IPO7: variants seen among roughly 807,000 people sequenced by gnomAD.
IPO7 encodes importin-7.
IPO7 carries 13 observed loss-of-function variants against 136.4 expected under a neutral mutation model. That is an observed-to-expected ratio of 0.10 (90% CI 0.06 to 0.15). IPO7 has a LOEUF of 0.15. Ranked by LOEUF, IPO7 falls within the 10% of genes least tolerant of loss-of-function variation. The pLI is 1.00. For missense variants in IPO7, 857 were observed against 1,240.6 expected, an observed-to-expected ratio of 0.69 and a Z score of 4.65; for synonymous variants, 403 against 404.4, an observed-to-expected ratio of 1.00 and a Z score of 0.04.
At chr11:9,395,097 A>G (rs1180710003) in intron 1 of IPO7, among the ~76,000 whole-genome samples, 6 of 152,168 alleles carry the variant, frequency 3.9e-5, no homozygotes, top group Non-Finnish European at 7.3e-5. Context: ...TGACTCATAT[A>G]AAAAATCTAT....
At position 9,438,064 on chromosome 11, in the gene IPO7, T is replaced by G. The variant is rs751149347; in HGVS notation, c.2490-16T>G. 2.5e-3 allele frequency: 2,668 copies of G among 1,073,322 alleles called. 1 individual carries two copies. Among genetic ancestry groups the G allele is most frequent in the Non-Finnish European group, 3.1e-3 (2,457 of 780,624 alleles). 66.5% of individuals were successfully genotyped at this position (1,073,322 alleles called of 1,614,324 possible). On this transcript the variant is annotated splice_polypyrimidine_tract_variant and intron_variant, in intron 21 of 24. Coordinates refer to ENST00000379719, the MANE Select transcript of IPO7 (RefSeq NM_006391.3). ...AAAACAGTTTTTTTTTTTTTTTTTT[T>G]TTTTTTTTTTTTTAGGCTTCATGAC...
At chr11:9,435,679 C>G (rs1364820722) in intron 19 of IPO7, among the ~76,000 whole-genome samples, 3 of 152,152 alleles carry the variant, frequency 2.0e-5, no homozygotes, top group African/African-American at 7.2e-5. Flanking sequence ...TATACCTATA[C>G]TATCTACATT....
At chr11:9,423,648 G>A in intron 9 of IPO7, 129 bp from the exon 10 acceptor site, 2 of 591,938 alleles carry the variant, frequency 3.4e-6, no homozygotes, top group Non-Finnish European at 5.9e-6. Context: ...CACATTAAAT[G>A]CATTACTAAC....
chr11:9,399,349 C>T (rs185636406), intron 1 of IPO7, among the ~76,000 whole-genome samples: 10 of 152,058 alleles, frequency 6.6e-5, no homozygotes, highest in Non-Finnish European at 1.3e-4. Context: ...TTAGTAGAGA[C>T]GGGGTTTCTC....
intron 16 of IPO7, among the ~76,000 whole-genome samples, chr11:9,432,201 C>CTTT (rs557417149): frequency 2.2e-5 from 3 of 134,844 alleles, no homozygotes; most frequent in African/African-American, 5.5e-5. Flanking sequence ...TTTCACTAAA[C>CTTT]TTTTTTTTTT....
intron 1 of IPO7, among the ~76,000 whole-genome samples, chr11:9,397,341 A>AAAAAAAAAAAAAAAAAAAAATATATATAT: frequency 1.9e-4 from 2 of 10,762 alleles, no homozygotes; most frequent in African/African-American, 2.5e-4. Flanking sequence ...TTTAAAAAAA[A>AAAAAAAAAAAAAAAAAAAAATATATATAT]ATATATATAT....
chr11:9,387,224 G>A (rs2133713978), intron 1 of IPO7, among the ~76,000 whole-genome samples: 1 of 152,326 alleles, frequency 6.6e-6, no homozygotes, highest in East Asian at 1.9e-4. Flanking sequence ...TAAGATCATT[G>A]ACATTTGAAT....
chr11:9,414,208 T>C (rs1163295344), intron 4 of IPO7, 47 bp from the exon 5 acceptor site: 1 of 1,383,422 alleles, frequency 7.2e-7, no homozygotes, highest in Non-Finnish European at 1.0e-6. Flanking sequence ...ATATATACAA[T>C]TGTGGAAATA....
Position 9,428,097 on chromosome 11 carries a change from G to A in IPO7, c.1336-443G>A, listed in dbSNP as rs1855238156. Reference sequence around the variant, plus strand: ...ATTGTGCCACTGCACTCCAGCCTGGGCAACACAGCAAGACTCCGTCTCAAA... The same window carrying A: ...ATTGTGCCACTGCACTCCAGCCTGGACAACACAGCAAGACTCCGTCTCAAA... On this transcript the variant is annotated intron_variant, in intron 12 of 24. Transcript: ENST00000379719. Among the ~76,000 whole-genome samples the A allele has an allele frequency of 2.0e-5, 3 of 151,726 alleles. No homozygotes were observed. The East Asian group carries it at 5.8e-4, about 29-fold the overall frequency.
rs139155943 is a variant in IPO7 at position 9,419,196 on chromosome 11, C to T, written c.727-1215C>T. Among the ~76,000 whole-genome samples the T allele has an allele frequency of 1.1e-4, 16 of 152,104 alleles. No homozygotes were observed. In the East Asian group the frequency reaches 2.1e-3, roughly 20 times the overall value. Reference sequence around the variant, plus strand: ...GTGGCTGTAGCATTGCTTTCACTAGCGATGTATGAGAGTGTTCACTTGCTC... The same window carrying T: ...GTGGCTGTAGCATTGCTTTCACTAGTGATGTATGAGAGTGTTCACTTGCTC... On this transcript the variant is annotated intron_variant, in intron 6 of 24. Transcript: ENST00000379719.
intron 24 of IPO7, among the ~76,000 whole-genome samples, chr11:9,443,062 G>A (rs191065351): frequency 5.1e-4 from 78 of 152,108 alleles, no homozygotes; most frequent in African/African-American, 1.8e-3. Flanking sequence ...AACACAGCCA[G>A]ACATGGTGGC....
chr11:9,408,816 A>G (rs775162175), intron 3 of IPO7, among the ~76,000 whole-genome samples, 177 bp downstream of exon 3: 1 of 147,356 alleles, frequency 6.8e-6, no homozygotes, highest in Non-Finnish European at 1.5e-5. Flanking sequence ...GGTTCAAGCA[A>G]TTCTCCTGCC....
intron 1 of IPO7, chr11:9,392,058 A>G (rs977314493): frequency 2.5e-5 from 5 of 199,266 alleles, no homozygotes; most frequent in Admixed American, 6.0e-5. Flanking sequence ...AGGCAGAGGG[A>G]CGCAGTGAAG....
intron 9 of IPO7, 48 bp downstream of exon 9, chr11:9,423,188 G>T (rs1293382346): frequency 1.6e-6 from 2 of 1,253,236 alleles, no homozygotes; most frequent in Admixed American, 2.2e-5. Flanking sequence ...TAATAGAAAT[G>T]ACATCAATTG....
chr11:9,394,943 C>T (rs538972290), intron 1 of IPO7, among the ~76,000 whole-genome samples: 115 of 152,234 alleles, frequency 7.6e-4, no homozygotes, highest in African/African-American at 2.6e-3. Flanking sequence ...GCTTTTAAAA[C>T]TAGAGTATTA....
At chr11:9,408,922 G>A (rs1854928557) in intron 3 of IPO7, among the ~76,000 whole-genome samples, 1 of 151,204 alleles carries the variant, frequency 6.6e-6, no homozygotes, top group African/African-American at 2.4e-5. Context: ...CCATGTTGGC[G>A]AGGATGGTCT....
At chr11:9,398,052 G>A (rs1175889893) in intron 1 of IPO7, among the ~76,000 whole-genome samples, 2 of 152,186 alleles carry the variant, frequency 1.3e-5, no homozygotes, top group Non-Finnish European at 2.9e-5. Flanking sequence ...ATACTGTAAT[G>A]TAAATGGTCT....
intron 12 of IPO7, among the ~76,000 whole-genome samples, chr11:9,428,104 A>G (rs757794603): frequency 5.3e-5 from 8 of 152,204 alleles, no homozygotes; most frequent in Non-Finnish European, 8.8e-5. Context: ...TGGGCAACAC[A>G]GCAAGACTCC....
chr11:9,436,134 T>C (rs758169760), intron 19 of IPO7, 137 bp from the exon 20 acceptor site: 3 of 615,092 alleles, frequency 4.9e-6, no homozygotes, highest in Non-Finnish European at 8.7e-6. Flanking sequence ...GCAATGAACA[T>C]TGCAGTTATT....
Sources: gnomAD v4.1 joint callset for allele counts (sites outside exome capture counted in the v4.1 genomes callset) on GRCh38, gnomAD v4.1.1 for gene constraint, MANE v1.5 for transcripts, NCBI Gene and HGNC (gene_info 2026-07-23, HGNC 2026-07-21) for gene names.